The following DGKG variants were observed in gnomAD, a reference collection of about 807,000 sequenced individuals.
The protein encoded by DGKG is DAG kinase gamma.
In DGKG, 78 loss-of-function variants were observed where a neutral mutation model predicts 105.3. The ratio of observed to expected loss-of-function variants is 0.74; its 90% confidence interval spans 0.62 to 0.89. The LOEUF is 0.89. Ranked by LOEUF, DGKG falls within the 40% of genes least tolerant of loss-of-function variation. DGKG has a pLI of 0.00. For missense variants in DGKG, 958 were observed against 1,020.1 expected (o/e 0.94, Z 0.83); for synonymous variants, 346 against 367.1 (o/e 0.94, Z 0.66).
At chr3:186,158,022 A>C in intron 24 of DGKG, 1 of 263,670 alleles carries the variant, frequency 3.8e-6, no homozygotes, top group African/African-American at 2.3e-5. Flanking sequence ...ATTTAAATAA[A>C]GCCACGGACA....
Position 186,357,729 on chromosome 3 carries a change from C to T in DGKG, c.-249+4217G>A, listed in dbSNP as rs1727041805. On this transcript the variant is annotated intron_variant, in intron 1 of 24. Coordinates refer to ENST00000265022, the MANE Select transcript of DGKG (RefSeq NM_001346.3). ...CTTTCTCTCCCTCATCTCTTCGGGG[C>T]TAGGCACTGTGCTAGTGCAGAGGAT... Among the ~76,000 whole-genome samples, 3 of 152,202 alleles carry T rather than the reference C, an allele frequency of 2.0e-5. No individual in the cohort carries two copies. The South Asian group carries it at 6.2e-4, about 32-fold the overall frequency.
At chr3:186,358,524 G>GTGTGTGTGTGTGTGTGTGTC (rs1727085513) in intron 1 of DGKG, among the ~76,000 whole-genome samples, 1 of 152,046 alleles carries the variant, frequency 6.6e-6, no homozygotes, top group African/African-American at 2.4e-5. Context: ...GTGTGTGTGT[G>GTGTGTGTGTGTGTGTGTGTC]TTTTGTATTG....
chr3:186,303,772 G>C (rs111354151), intron 3 of DGKG, among the ~76,000 whole-genome samples: 1 of 152,194 alleles, frequency 6.6e-6, no homozygotes, highest in African/African-American at 2.4e-5. Context: ...ATGGGCAAGC[G>C]CATGTTCATC....
chr3:186,317,715 G>C (rs1313569360), intron 2 of DGKG, among the ~76,000 whole-genome samples: 3 of 152,124 alleles, frequency 2.0e-5, no homozygotes, highest in Admixed American at 1.3e-4. Flanking sequence ...CAGGCTGAGC[G>C]GGGCCTTCTC....
At chr3:186,227,406 C>A (rs1719910159) in intron 20 of DGKG, among the ~76,000 whole-genome samples, 1 of 152,150 alleles carries the variant, frequency 6.6e-6, no homozygotes, top group Admixed American at 6.5e-5. Context: ...CCCAATGGCA[C>A]ACAGTAAGTA....
intron 6 of DGKG, among the ~76,000 whole-genome samples, chr3:186,286,363 G>A (rs1246584343): frequency 6.6e-6 from 1 of 152,128 alleles, no homozygotes; most frequent in Non-Finnish European, 1.5e-5. Flanking sequence ...ACTCTCCAAC[G>A]CTGACCTCTC....
intron 20 of DGKG, among the ~76,000 whole-genome samples, chr3:186,240,532 G>A (rs147239637): frequency 2.6e-5 from 4 of 152,290 alleles, no homozygotes; most frequent in African/African-American, 7.2e-5. Flanking sequence ...GTGTGAGGCC[G>A]GGTGCAGTGG....
At chr3:186,195,865 T>C (rs535930701) in intron 21 of DGKG, among the ~76,000 whole-genome samples, 54 of 152,342 alleles carry the variant, frequency 3.5e-4, no homozygotes, top group Non-Finnish European at 7.1e-4. Flanking sequence ...ACTTTATTAG[T>C]GGGGCTGTAT....
intron 5 of DGKG, among the ~76,000 whole-genome samples, chr3:186,295,705 C>A (rs564258236): frequency 6.9e-6 from 1 of 144,296 alleles, no homozygotes. Context: ...CAGGAACAAC[C>A]TGGGAGAAAG....
At chr3:186,287,969 TCTC>T (rs1194942397) in intron 6 of DGKG, among the ~76,000 whole-genome samples, 4 of 152,180 alleles carry the variant, frequency 2.6e-5, no homozygotes, top group Non-Finnish European at 4.4e-5. Context: ...GGTCCTGTCA[TCTC>T]CTATTTTTTT....
At chr3:186,329,498 C>T (rs1344162949) in intron 1 of DGKG, among the ~76,000 whole-genome samples, 2 of 152,188 alleles carry the variant, frequency 1.3e-5, no homozygotes, top group African/African-American at 4.8e-5. Flanking sequence ...CTCCTCATCT[C>T]CTCTTTGCTC....
intron 1 of DGKG, among the ~76,000 whole-genome samples, chr3:186,347,372 C>G (rs1169970507): frequency 7.0e-6 from 1 of 143,542 alleles, no homozygotes; most frequent in Non-Finnish European, 1.5e-5. Context: ...TGCTTGAACC[C>G]GGGAGGCAGA....
intron 5 of DGKG, among the ~76,000 whole-genome samples, chr3:186,292,079 C>A (rs187061670): frequency 8.5e-4 from 129 of 152,262 alleles, no homozygotes; most frequent in African/African-American, 3.0e-3. Context: ...CTGAGTACGA[C>A]CCTCAGGTAC....
intron 22 of DGKG, among the ~76,000 whole-genome samples, chr3:186,180,438 G>A (rs1366222628): frequency 6.6e-6 from 1 of 152,166 alleles, no homozygotes; most frequent in Non-Finnish European, 1.5e-5. Context: ...GAGTCCCAGT[G>A]CACACACCCA....
chr3:186,260,237 T>C (rs1279713853), intron 16 of DGKG, among the ~76,000 whole-genome samples: 1 of 152,074 alleles, frequency 6.6e-6, no homozygotes, highest in Non-Finnish European at 1.5e-5. Context: ...AGGCCACTTC[T>C]CAAACAGAGT....
At chr3:186,196,819 T>C (rs957557673) in intron 21 of DGKG, among the ~76,000 whole-genome samples, 2 of 152,050 alleles carry the variant, frequency 1.3e-5, no homozygotes, top group East Asian at 1.9e-4. Flanking sequence ...CTGGGAGAGA[T>C]AGGGCTTAAC....
intron 22 of DGKG, among the ~76,000 whole-genome samples, chr3:186,165,359 A>T (rs901072902): frequency 6.6e-6 from 1 of 152,220 alleles, no homozygotes; most frequent in South Asian, 2.1e-4. Flanking sequence ...AGCTAAAGAC[A>T]TATTGGTTTG....
At chr3:186,269,147 A>G (rs1722199244) in intron 11 of DGKG, among the ~76,000 whole-genome samples, 1 of 152,222 alleles carries the variant, frequency 6.6e-6, no homozygotes, top group South Asian at 2.1e-4. Flanking sequence ...GCTTTGCCAC[A>G]TTTTGAACAG....
chr3:186,186,490 A>G (rs1717644907), intron 22 of DGKG, among the ~76,000 whole-genome samples: 1 of 152,248 alleles, frequency 6.6e-6, no homozygotes, highest in Non-Finnish European at 1.5e-5. Flanking sequence ...TTGATTAGGT[A>G]GATCTAGGCT....
Sources: gnomAD v4.1 joint callset for allele counts (sites outside exome capture counted in the v4.1 genomes callset) on GRCh38, gnomAD v4.1.1 for gene constraint, MANE v1.5 for transcripts, NCBI Gene and HGNC (gene_info 2026-07-23, HGNC 2026-07-21) for gene names.